Variants in ERI3 observed in about 807,000 individuals in gnomAD.
ERI3 encodes the protein ERI1 exoribonuclease family member 3.
Under a neutral mutation model 44.4 loss-of-function variants are expected in ERI3, and 18 were observed. That is an observed-to-expected ratio of 0.41 (90% CI 0.28 to 0.60). The LOEUF (loss-of-function observed/expected upper bound fraction) is 0.60, where lower values mean the gene tolerates loss of function less well. Ranked by LOEUF, ERI3 falls within the 20% of genes least tolerant of loss-of-function variation. ERI3 has a pLI of 0.36. For missense variants in ERI3, 294 were observed against 435.5 expected (o/e 0.68, Z 2.89); for synonymous variants, 183 against 164.8 (o/e 1.11, Z -0.84).
At chr1:44,338,897 C>G in intron 3 of ERI3, 148 bp downstream of exon 3, 2 of 985,802 alleles carry the variant, frequency 2.0e-6, no homozygotes, top group Non-Finnish European at 3.1e-6. Context: ...ATACCTGAAA[C>G]AAGTCCTGCT....
At chr1:44,265,615 T>G (rs548028422) in intron 7 of ERI3, among the ~76,000 whole-genome samples, 1 of 150,364 alleles carries the variant, frequency 6.7e-6, no homozygotes, top group Admixed American at 6.6e-5. Context: ...AGCCAAAAAG[T>G]AGAAACAACC....
chr1:44,252,560 C>T lies in ERI3; in HGVS notation c.832-4522G>A, dbSNP rs774484014. Among the ~76,000 whole-genome samples, 9 of 152,176 alleles carry T rather than the reference C, an allele frequency of 5.9e-5. No homozygotes were observed. Among genetic ancestry groups the T allele is most frequent in the Non-Finnish European group, 8.8e-5 (6 of 68,034 alleles). On this transcript the variant is annotated intron_variant, in intron 7 of 8. Coordinates refer to ENST00000372257, the MANE Select transcript of ERI3 (RefSeq NM_024066.3). This position sits in a 1 kb window ranked among gnomAD's most constrained non-coding sequence, Gnocchi z 4.7. ...CCCTGTGAAATTACATTGCTGGGCC[C>T]GCGAAATGGAATCGTGTATAATCAG...
intron 3 of ERI3, among the ~76,000 whole-genome samples, chr1:44,323,355 G>A (rs1173653522): frequency 1.3e-5 from 2 of 152,196 alleles, no homozygotes; most frequent in African/African-American, 4.8e-5. Context: ...CCTTAGTGGA[G>A]GGACGTACAC....
At chr1:44,239,515 C>A (rs554914743) in intron 8 of ERI3, among the ~76,000 whole-genome samples, 70 of 152,216 alleles carry the variant, frequency 4.6e-4, no homozygotes, top group Admixed American at 2.0e-4. Context: ...AGCCCAGAGT[C>A]CAGAGCCCAA....
chr1:44,349,370 C>T (rs566836846), intron 2 of ERI3, among the ~76,000 whole-genome samples: 2 of 152,160 alleles, frequency 1.3e-5, no homozygotes, highest in East Asian at 3.9e-4. Context: ...CCAGGCTGGT[C>T]TCAAACTCCT....
intron 7 of ERI3, among the ~76,000 whole-genome samples, chr1:44,259,725 A>ACACACACACAC (rs1194743858): frequency 3.5e-5 from 2 of 56,420 alleles, no homozygotes; most frequent in Admixed American, 3.6e-4. Flanking sequence ...CACACACACA[A>ACACACACACAC]ATTAGCCAGG....
chr1:44,231,721 A>C (rs1644188991), intron 8 of ERI3, among the ~76,000 whole-genome samples: 1 of 152,124 alleles, frequency 6.6e-6, no homozygotes, highest in African/African-American at 2.4e-5. Context: ...CCCTTCAAGT[A>C]ATCAGAATTA....
At chr1:44,236,583 GA>G (rs905245308) in intron 8 of ERI3, among the ~76,000 whole-genome samples, 3 of 152,052 alleles carry the variant, frequency 2.0e-5, no homozygotes, top group Non-Finnish European at 4.4e-5. Context: ...GGCTCTGGGG[GA>G]AAATAAAGCC....
intron 7 of ERI3, among the ~76,000 whole-genome samples, chr1:44,264,617 C>T (rs76153807): frequency 0.014 from 2,105 of 152,280 alleles, 48 homozygotes; most frequent in African/African-American, 0.048. Flanking sequence ...CATATCCCAG[C>T]GCTGCTGCCA....
At chr1:44,240,351 CTG>C (rs1254778712) in intron 8 of ERI3, among the ~76,000 whole-genome samples, 1 of 152,188 alleles carries the variant, frequency 6.6e-6, no homozygotes, top group East Asian at 1.9e-4. Flanking sequence ...GAGTCAGGGT[CTG>C]TGTTCACAGG....
At chr1:44,284,200 C>A in intron 7 of ERI3, 1 of 386,686 alleles carries the variant, frequency 2.6e-6, no homozygotes, top group South Asian at 1.9e-5. Context: ...TCTGCCAGGG[C>A]TCACTATCGT....
intron 6 of ERI3, among the ~76,000 whole-genome samples, chr1:44,298,383 G>C (rs2154326455): frequency 6.6e-6 from 1 of 152,252 alleles, no homozygotes; most frequent in South Asian, 2.1e-4. Flanking sequence ...AAGGGTGAGG[G>C]GGATTGGGAC....
At chr1:44,224,127 TTTTCTC>T (rs1643974211) in intron 8 of ERI3, among the ~76,000 whole-genome samples, 1 of 152,008 alleles carries the variant, frequency 6.6e-6, no homozygotes, top group Non-Finnish European at 1.5e-5. Context: ...CTTACGCAGA[TTTTCTC>T]TTCTTCTCTG....
At chr1:44,226,420 A>G (rs1037004971) in intron 8 of ERI3, among the ~76,000 whole-genome samples, 1 of 152,190 alleles carries the variant, frequency 6.6e-6, no homozygotes, top group Admixed American at 6.5e-5. Flanking sequence ...GATTGGAAGG[A>G]TTAACCCTGA....
At chr1:44,329,361 T>G (rs1646382623) in intron 3 of ERI3, among the ~76,000 whole-genome samples, 1 of 152,172 alleles carries the variant, frequency 6.6e-6, no homozygotes, top group African/African-American at 2.4e-5. Flanking sequence ...AACCATGAAT[T>G]TCCTTTCAGG....
intron 7 of ERI3, among the ~76,000 whole-genome samples, chr1:44,255,146 T>C (rs1249251610): frequency 6.6e-6 from 1 of 152,136 alleles, no homozygotes; most frequent in Non-Finnish European, 1.5e-5. Context: ...TTAGATTATT[T>C]TTAAAGTTCT....
chr1:44,311,096 T>C (rs942892781), intron 5 of ERI3, among the ~76,000 whole-genome samples: 2 of 149,830 alleles, frequency 1.3e-5, no homozygotes, highest in Non-Finnish European at 3.0e-5. Flanking sequence ...TAAATCAGCA[T>C]AACCTCCCCC....
intron 2 of ERI3, among the ~76,000 whole-genome samples, chr1:44,352,453 GATA>G (rs1646914036): frequency 1.2e-5 from 1 of 85,556 alleles, no homozygotes; most frequent in East Asian, 2.7e-4. Flanking sequence ...TAGATAGATA[GATA>G]GATAGATAAA....
chr1:44,305,541 T>C (rs879670436), intron 6 of ERI3, among the ~76,000 whole-genome samples: 6 of 152,216 alleles, frequency 3.9e-5, no homozygotes, highest in Admixed American at 3.9e-4. Context: ...AAACTCGCCT[T>C]AGCAGGATCT....
Sources: gnomAD v4.1 joint callset for allele counts (sites outside exome capture counted in the v4.1 genomes callset) on GRCh38, gnomAD v4.1.1 for gene constraint, Gnocchi (gnomAD v3.1) non-coding constraint, MANE v1.5 for transcripts, NCBI Gene and HGNC (gene_info 2026-07-23, HGNC 2026-07-21) for gene names.